The following TMPRSS15 variants were observed in gnomAD, a reference collection of about 807,000 sequenced individuals.
TMPRSS15 encodes enteropeptidase.
A neutral mutation model predicts 125.3 loss-of-function variants in TMPRSS15; 128 were observed. The observed-to-expected ratio is 1.02, with a 90% CI of 0.89 to 1.18. The LOEUF is 1.18. Ranked by LOEUF, TMPRSS15 falls within the 50% of genes most tolerant of loss-of-function variation. TMPRSS15 has a pLI of 0.00. For missense variants in TMPRSS15, 1,283 were observed against 1,212.7 expected (o/e 1.06, Z -0.86); for synonymous variants, 446 against 423.2 (o/e 1.05, Z -0.66).
intron 6 of TMPRSS15, among the ~76,000 whole-genome samples, chr21:18,370,081 A>T (rs11702131): frequency 6.6e-6 from 1 of 151,916 alleles, no homozygotes; most frequent in Non-Finnish European, 1.5e-5. Flanking sequence ...TTAACAAAAA[A>T]TCTTCATGTT....
chr21:18,431,573 T>C, intron 1 of TMPRSS15, among the ~76,000 whole-genome samples: 1 of 152,158 alleles, frequency 6.6e-6, no homozygotes, highest in Non-Finnish European at 1.5e-5. Context: ...TTTTAAATTA[T>C]TGTATATATT....
At chr21:18,275,430 ACT>A in intron 23 of TMPRSS15, 94 bp from the exon 24 acceptor site, 4 of 1,443,200 alleles carry the variant, frequency 2.8e-6, no homozygotes, top group Non-Finnish European at 3.9e-6. Context: ...CCAACATTTC[ACT>A]CTCATTATCA....
At chr21:18,417,630 A>C (rs1601455758) in intron 1 of TMPRSS15, among the ~76,000 whole-genome samples, 1 of 152,322 alleles carries the variant, frequency 6.6e-6, no homozygotes, top group African/African-American at 2.4e-5. Flanking sequence ...CCGTGTGATA[A>C]AAATAGAGCC....
chr21:18,301,052 T>A (rs760315553), intron 18 of TMPRSS15, among the ~76,000 whole-genome samples: 5 of 152,232 alleles, frequency 3.3e-5, no homozygotes, highest in African/African-American at 4.8e-5. Context: ...AATATAAATA[T>A]GTCGTCTTGG....
At chr21:18,431,508 A>C (rs1432037800) in intron 1 of TMPRSS15, among the ~76,000 whole-genome samples, 2 of 152,080 alleles carry the variant, frequency 1.3e-5, no homozygotes, top group Non-Finnish European at 1.5e-5. Context: ...ATATTCAAGG[A>C]GAGTAGTTAA....
At chr21:18,422,111 G>A (rs1192776463) in intron 1 of TMPRSS15, among the ~76,000 whole-genome samples, 1 of 151,670 alleles carries the variant, frequency 6.6e-6, no homozygotes. Flanking sequence ...AGCCTCCTGA[G>A]TAGCTGGGAT....
chr21:18,477,054 C>T lies in TMPRSS15; in HGVS notation c.10+8745G>A, dbSNP rs538406251. ...AACAGTGAAAAGTGTTTCTGAAAAG[C>T]GCTTATCTGACTTGCAGAGTAATGA... On this transcript the variant is annotated intron_variant, in intron 1 of 7. Coordinates refer to the TMPRSS15 transcript ENST00000422787. Among the ~76,000 whole-genome samples, 7 of 152,166 alleles carry T rather than the reference C, an allele frequency of 4.6e-5. No homozygotes were observed. The East Asian group carries it at 1.2e-3, about 25-fold the overall frequency.
chr21:18,411,995 T>G (rs1476160490), intron 1 of TMPRSS15, among the ~76,000 whole-genome samples: 1 of 152,142 alleles, frequency 6.6e-6, no homozygotes, highest in Non-Finnish European at 1.5e-5. Context: ...AGCATCCTAC[T>G]TGGTTAGTAG....
At chr21:18,354,444 C>T (rs1242655330) in intron 8 of TMPRSS15, among the ~76,000 whole-genome samples, 1 of 150,048 alleles carries the variant, frequency 6.7e-6, no homozygotes, top group Non-Finnish European at 1.5e-5. Flanking sequence ...TTTTGATTGT[C>T]AAGAGTTAGT....
At position 18,397,901 on chromosome 21, in the gene TMPRSS15, T is replaced by C. The variant is rs141964857; in HGVS notation, c.322A>G (p.Asn108Asp). The change falls in exon 3 of 25, where the codon AAC becomes GAC. Residue 108 changes from asparagine (N) to aspartate (D), a missense_variant. Asn to Asp is a conservative substitution (Grantham distance 23). Transcript: ENST00000284885. ...LSSNLKNEYK[N>D]SRVLQFENGS... ...CACTCAAATTGTAAAACTCTTGAGT[T>C]CTTATATTCATTCTTCAGATTGCTT... 91 of 1,552,970 alleles carry C rather than the reference T, an allele frequency of 5.9e-5. No individual in the cohort carries two copies. Among genetic ancestry groups the C allele is most frequent in the Middle Eastern group, 1.8e-4 (1 of 5,480 alleles).
chr21:18,404,503 A>G (rs1356866890), upstream of TMPRSS15, among the ~76,000 whole-genome samples: 1 of 152,192 alleles, frequency 6.6e-6, no homozygotes, highest in Non-Finnish European at 1.5e-5. Context: ...AGTTGTAGAT[A>G]TATGCTTTAT....
intron 1 of TMPRSS15, among the ~76,000 whole-genome samples, chr21:18,424,027 G>T (rs2123197101): frequency 6.6e-6 from 1 of 152,182 alleles, no homozygotes; most frequent in East Asian, 1.9e-4. Flanking sequence ...AGAAGTTTCA[G>T]CCTGGCATCA....
chr21:18,359,843 A>C lies in TMPRSS15; in HGVS notation c.794T>G (p.Ile265Ser), dbSNP rs1194326737. ...ATTAAAATCATCGAAGCTCAGTTTA[A>C]TGGAAAGTCCTTGGTTTACACTAAA... is the stretch of plus-strand genomic sequence containing the variant. ...WIIRVNQGLS[I>S]KLSFDDFNTY... Residue 265 changes from isoleucine (I) to serine (S), a missense_variant, in exon 8 of 25, where the codon ATT (isoleucine) becomes AGT (serine). Transcript: ENST00000284885. 7 of 1,517,370 alleles carry C rather than the reference A, an allele frequency of 4.6e-6. No individual in the cohort carries two copies. The highest frequency in any genetic ancestry group is 1.7e-5 in the Admixed American group (1 of 59,432). 94.0% of individuals were successfully genotyped at this position (1,517,370 alleles called of 1,614,324 possible).
chr21:18,442,705 T>C (rs1352850698), intron 1 of TMPRSS15, among the ~76,000 whole-genome samples: 1 of 152,204 alleles, frequency 6.6e-6, no homozygotes, highest in Admixed American at 6.5e-5. Context: ...TACTGCTCTG[T>C]TTATTTTGTT....
intron 22 of TMPRSS15, 59 bp from the exon 23 acceptor site, chr21:18,279,118 C>T: frequency 1.1e-6 from 1 of 902,762 alleles, no homozygotes; most frequent in South Asian, 1.4e-5. Flanking sequence ...AACAGATTTA[C>T]AAGCATTTCT....
intron 1 of TMPRSS15, among the ~76,000 whole-genome samples, chr21:18,485,467 A>G (rs895672995): frequency 2.0e-5 from 3 of 152,002 alleles, no homozygotes; most frequent in Non-Finnish European, 2.9e-5. Flanking sequence ...ATAGCTTTTT[A>G]TCAGGTTAGA....
intron 1 of TMPRSS15, among the ~76,000 whole-genome samples, chr21:18,418,271 TGA>T (rs1046354107): frequency 1.3e-5 from 2 of 152,176 alleles, no homozygotes; most frequent in Non-Finnish European, 1.5e-5. Context: ...GGATTAGAGG[TGA>T]GAGAGTTAAG....
At chr21:18,422,289 A>G (rs559869108) in intron 1 of TMPRSS15, among the ~76,000 whole-genome samples, 1 of 152,186 alleles carries the variant, frequency 6.6e-6, no homozygotes, top group African/African-American at 2.4e-5. Flanking sequence ...CCCAGCCCTG[A>G]AGGCAAGTAT....
chr21:18,296,143 A>G (rs1568989860), intron 19 of TMPRSS15, among the ~76,000 whole-genome samples: 1 of 152,040 alleles, frequency 6.6e-6, no homozygotes, highest in Non-Finnish European at 1.5e-5. Context: ...ACAGAGCGAG[A>G]CTCCGTCTCA....
Sources: allele counts gnomAD v4.1 joint callset (sites outside exome capture counted in the v4.1 genomes callset), GRCh38; gene constraint gnomAD v4.1.1; transcripts MANE v1.5; gene names NCBI Gene and HGNC (gene_info 2026-07-23, HGNC 2026-07-21).